ZNF287: variants seen among roughly 807,000 people sequenced by gnomAD.
ZNF287 encodes zinc finger protein 287.
In ZNF287, 31 loss-of-function variants were observed where a neutral mutation model predicts 73.7. The observed-to-expected ratio is 0.42, with a 90% CI of 0.32 to 0.57. The LOEUF is 0.57. ZNF287 is among the 20% of genes least tolerant of loss of function. The pLI, the probability that ZNF287 is intolerant of heterozygous loss-of-function variation, is 0.13. For synonymous variants in ZNF287, 301 were observed against 307.2 expected (o/e 0.98, Z 0.21); for missense variants, 641 against 909.3 (o/e 0.70, Z 3.79).
At chr17:16,563,663 C>T in intron 4 of ZNF287, 36 bp downstream of exon 4, 1 of 1,597,588 alleles carries the variant, frequency 6.3e-7, no homozygotes, top group Middle Eastern at 1.7e-4. Flanking sequence ...TTAATGGGAA[C>T]AGGCTCGGAG....
chr17:16,553,552 G>T, intron 5 of ZNF287, 126 bp from the exon 6 acceptor site: 1 of 738,002 alleles, frequency 1.4e-6, no homozygotes, highest in Non-Finnish European at 2.0e-6. Context: ...TCATCATCAT[G>T]GTCTTTAAAA....
At position 16,550,289 on chromosome 17, in the gene ZNF287, T is replaced by G. The variant is rs1408863604; in HGVS notation, c.*1567A>C. ...TGAAGGAGTGTCAGGCTTCCAATTA[T>G]TCTTTAAAAATCGGTCATTTTGTTT... On this transcript the variant is annotated 3_prime_UTR_variant, in exon 6 of 6. Transcript: ENST00000395825. 1.3e-5 allele frequency among the ~76,000 whole-genome samples: 2 copies of G among 152,208 alleles called. No individual in the cohort carries two copies. The highest frequency in any genetic ancestry group is 2.9e-5 in the Non-Finnish European group (2 of 68,028).
chr17:16,567,302 C>T, intron 2 of ZNF287, 27 bp downstream of exon 2: 1 of 1,585,972 alleles, frequency 6.3e-7, no homozygotes, highest in Non-Finnish European at 8.6e-7. Flanking sequence ...CCAGGGATTC[C>T]TCCCCTCTCT....
chr17:16,563,347 A>G (rs1053045092), intron 4 of ZNF287, 115 bp from the exon 5 acceptor site: 3 of 697,980 alleles, frequency 4.3e-6, no homozygotes, highest in Non-Finnish European at 7.2e-6. Context: ...ACAATAGTTC[A>G]TGGACATGAT....
Position 16,553,217 on chromosome 17 carries a change from C to T in ZNF287, c.925G>A (p.Glu309Lys), listed in dbSNP as rs1418977287. ...VLSQEYDPTE[E>K]CLSKYDIYRN... ...TATATATCATATTTACTAAGACATT[C>T]TTCTGTAGGATCATATTCTTGTGAA... Residue 309 changes from glutamate (E) to lysine (K), a missense_variant, in exon 6 of 6, where the codon GAA becomes AAA. Coordinates refer to ENST00000395825, the MANE Select transcript of ZNF287 (RefSeq NM_020653.4). The T allele has an allele frequency of 6.2e-7, 1 of 1,605,276 alleles. No homozygotes were observed.
Position 16,552,857 on chromosome 17 carries a change from A to G in ZNF287, c.1285T>C (p.Cys429Arg). The change falls in exon 6 of 6, where the codon TGT (cysteine) becomes CGT (arginine). Residue 429 changes from cysteine to arginine, a missense_variant. Around this residue, in one of 2 missense-constraint regions of ZNF287, gnomAD observed 284 missense variants for 466.8 expected, o/e 0.61. Coordinates refer to ENST00000395825, the MANE Select transcript of ZNF287 (RefSeq NM_020653.4). This position sits in a 1 kb window ranked among gnomAD's most constrained non-coding sequence, Gnocchi z 6.5. Reference protein sequence around the residue: ...TGEKPYECHQCGKAFSQRAHL... With the variant: ...TGEKPYECHQRGKAFSQRAHL... Reference sequence around the variant, plus strand: ...GCACGCTGGCTGAAGGCTTTACCACACTGGTGGCATTCATATGGTTTTTCT... The same window carrying G: ...GCACGCTGGCTGAAGGCTTTACCACGCTGGTGGCATTCATATGGTTTTTCT... The G allele has an allele frequency of 6.2e-7, 1 of 1,614,120 alleles. No individual in the cohort carries two copies. Among genetic ancestry groups the G allele is most frequent in the African/African-American group, 1.3e-5 (1 of 75,032 alleles).
At chr17:16,567,979 C>CTATACATA (rs1907856967) in intron 1 of ZNF287, 50 bp from the exon 2 acceptor site, 2 of 1,353,196 alleles carry the variant, frequency 1.5e-6, no homozygotes, top group East Asian at 5.8e-5. Flanking sequence ...GTGTACTCTA[C>CTATACATA]TATACATATA....
chr17:16,568,094 T>C (rs903359858), intron 1 of ZNF287, 165 bp from the exon 2 acceptor site: 11 of 501,458 alleles, frequency 2.2e-5, no homozygotes, highest in African/African-American at 2.1e-4. Context: ...GCCATCTGCT[T>C]GGGGTTGGTG....
chr17:16,553,296 A>G lies in ZNF287; in HGVS notation c.846T>C (p.Gly282=), dbSNP rs985613127. ...YDDRLERRGK[G]GFWKIHTDER... The stretch of plus-strand genomic sequence containing the variant: ...CATCAGTGTGAATTTTCCAGAAGCC[A>G]CCTTTTCCTCGCCTCTCTAGTCTAT... Residue 282 remains glycine, a synonymous_variant, in exon 6 of 6, where the codon GGT becomes GGC. Coordinates refer to ENST00000395825, the MANE Select transcript of ZNF287 (RefSeq NM_020653.4). 8.7e-6 allele frequency: 14 copies of G among 1,613,926 alleles called. No individual in the cohort carries two copies. The highest frequency in any genetic ancestry group is 1.2e-5 in the Non-Finnish European group (14 of 1,179,922).
intron 4 of ZNF287, 116 bp from the exon 5 acceptor site, chr17:16,563,348 T>C (rs893019193): frequency 5.7e-6 from 4 of 699,098 alleles, no homozygotes; most frequent in Non-Finnish European, 9.5e-6. Context: ...CAATAGTTCA[T>C]GGACATGATC....
At position 16,552,768 on chromosome 17, in the gene ZNF287, C is replaced by T; in HGVS notation, c.1374G>A (p.Gly458=). 1.9e-6 allele frequency: 3 copies of T among 1,613,808 alleles called. No individual in the cohort carries two copies. Among genetic ancestry groups the T allele is most frequent in the East Asian group, 4.5e-5 (2 of 44,858 alleles). ...GGTGTGCACGCTGACTGAAGTCTTTCCCACAGTCATCACACTTATAGGGTT... is the reference window on the plus strand; with the variant it reads ...GGTGTGCACGCTGACTGAAGTCTTTTCCACAGTCATCACACTTATAGGGTT... ...GEKPYKCDDC[G]KDFSQRAHLT... The change falls in exon 6 of 6, where the codon GGG becomes GGA. Residue 458 remains glycine, a synonymous_variant. Coordinates refer to ENST00000395825, the MANE Select transcript of ZNF287 (RefSeq NM_020653.4). The surrounding 1 kb of genome is among the most constrained non-coding windows in gnomAD (Gnocchi z 6.5).
chr17:16,566,274 A>G lies in ZNF287; in HGVS notation c.501+251T>C, dbSNP rs953653506. Among the ~76,000 whole-genome samples the G allele has an allele frequency of 7.2e-5, 11 of 152,218 alleles. No individual in the cohort carries two copies. In the South Asian group the frequency reaches 1.2e-3, roughly 17 times the overall value. ...TAAATCCATCTGGCTGTGGAGGTCAATCTCGTATTCTCTATGTGATATTGC... is the reference window on the plus strand; with the variant it reads ...TAAATCCATCTGGCTGTGGAGGTCAGTCTCGTATTCTCTATGTGATATTGC... On this transcript the variant is annotated intron_variant, in intron 3 of 5. Coordinates refer to ENST00000395825, the MANE Select transcript of ZNF287 (RefSeq NM_020653.4).
At position 16,553,344 on chromosome 17, in the gene ZNF287, T is replaced by C. The variant is rs1301051547; in HGVS notation, c.798A>G (p.Leu266=). 1 of 1,612,978 alleles carries C rather than the reference T, an allele frequency of 6.2e-7. No homozygotes were observed. Among genetic ancestry groups the C allele is most frequent in the African/African-American group, 1.3e-5 (1 of 74,886 alleles). Residue 266 remains leucine, a synonymous_variant, in exon 6 of 6, where the codon TTA becomes TTG. Coordinates refer to ENST00000395825, the MANE Select transcript of ZNF287 (RefSeq NM_020653.4). ...TATCATCGTAGTCATATGAGTCTTC[T>C]AATTTGATGGTATGGGTTTCTTCCT... is the stretch of plus-strand genomic sequence containing the variant. ...LTKEETHTIK[L]EDSYDYDDRL...
intron 5 of ZNF287, among the ~76,000 whole-genome samples, chr17:16,560,944 A>G (rs923595064): frequency 2.6e-5 from 4 of 151,068 alleles, no homozygotes; most frequent in Non-Finnish European, 4.4e-5. Context: ...TGGAGCTTGT[A>G]GTGAGCCAAG....
chr17:16,554,874 C>T (rs1017027657), intron 5 of ZNF287, among the ~76,000 whole-genome samples: 3 of 152,156 alleles, frequency 2.0e-5, no homozygotes, highest in African/African-American at 4.8e-5. Flanking sequence ...GAGCCATGAT[C>T]GCCCCACTGC....
At chr17:16,565,702 C>T (rs1258959928) in intron 3 of ZNF287, among the ~76,000 whole-genome samples, 4 of 152,010 alleles carry the variant, frequency 2.6e-5, no homozygotes, top group Non-Finnish European at 5.9e-5. Context: ...AATATAGACT[C>T]ATGGCCGGGC....
chr17:16,554,202 C>CTTTTTTT (rs565329005), intron 5 of ZNF287, among the ~76,000 whole-genome samples: 1 of 139,410 alleles, frequency 7.2e-6, no homozygotes, highest in African/African-American at 2.7e-5. Flanking sequence ...TTATCCACTA[C>CTTTTTTT]TTTTTTTTTT....
At chr17:16,563,084 T>C in intron 5 of ZNF287, 62 bp downstream of exon 5, 1 of 1,314,702 alleles carries the variant, frequency 7.6e-7, no homozygotes, top group East Asian at 2.3e-5. Flanking sequence ...AATGCATTTC[T>C]CACCACATTT....
Position 16,549,639 on chromosome 17 carries a change from G to C in ZNF287, c.*2217C>G, listed in dbSNP as rs908009511. 6.6e-6 allele frequency among the ~76,000 whole-genome samples: 1 copy of C among 152,130 alleles called. No individual in the cohort carries two copies. The highest frequency in any genetic ancestry group is 2.1e-4 in the South Asian group (1 of 4,826). On this transcript the variant is annotated 3_prime_UTR_variant, in exon 6 of 6. Transcript: ENST00000395825. ...AAACACTCAATAATATAGCCTTTAGGATACTAGCATCCTGGGTCTTTCCTT... is the reference window on the plus strand; with the variant it reads ...AAACACTCAATAATATAGCCTTTAGCATACTAGCATCCTGGGTCTTTCCTT...
Sources: allele counts gnomAD v4.1 joint callset (sites outside exome capture counted in the v4.1 genomes callset), GRCh38; gene constraint gnomAD v4.1.1; regional missense constraint gnomAD v4.1.1; non-coding constraint Gnocchi (gnomAD v3.1); transcripts MANE v1.5; gene names NCBI Gene and HGNC (gene_info 2026-07-23, HGNC 2026-07-21).